FAM13C: variants seen among roughly 807,000 people sequenced by gnomAD.
The protein encoded by FAM13C is protein FAM13C.
Under a neutral mutation model 73.2 loss-of-function variants are expected in FAM13C, and 37 were observed. The ratio of observed to expected loss-of-function variants is 0.51; its 90% CI spans 0.39 to 0.67. FAM13C has a LOEUF of 0.67. Among genes scored for constraint, FAM13C ranks in the 30% least tolerant of loss-of-function variants. The probability of loss-of-function intolerance (pLI) is 0.00; values close to 1 mark genes in which losing one functional copy is unlikely to be tolerated. For synonymous variants in FAM13C, 246 were observed against 260.9 expected (o/e 0.94, Z 0.55); for missense variants, 589 against 715.6 (o/e 0.82, Z 2.02).
At chr10:59,348,962 G>T (rs1000729101) in intron 3 of FAM13C, among the ~76,000 whole-genome samples, 3 of 151,734 alleles carry the variant, frequency 2.0e-5, no homozygotes, top group Non-Finnish European at 2.9e-5. Context: ...ATATCTTGAG[G>T]TTTTTTTTCT....
At chr10:59,310,437 C>G (rs1848782027) in intron 4 of FAM13C, among the ~76,000 whole-genome samples, 1 of 152,122 alleles carries the variant, frequency 6.6e-6, no homozygotes, top group Admixed American at 6.5e-5. Flanking sequence ...AATAACAGCC[C>G]TTAATACCAG....
At chr10:59,289,118 A>G (rs1845914114) in intron 5 of FAM13C, among the ~76,000 whole-genome samples, 1 of 152,188 alleles carries the variant, frequency 6.6e-6, no homozygotes, top group Admixed American at 6.5e-5. Context: ...TCAGATCATG[A>G]GGCATTAGAT....
At chr10:59,308,575 C>A (rs1294072841) in intron 4 of FAM13C, among the ~76,000 whole-genome samples, 2 of 151,878 alleles carry the variant, frequency 1.3e-5, no homozygotes, top group African/African-American at 4.8e-5. Flanking sequence ...ACCACCATCA[C>A]CACCACCAGC....
chr10:59,298,618 GT>G (rs1564544900), intron 5 of FAM13C, among the ~76,000 whole-genome samples: 3 of 152,092 alleles, frequency 2.0e-5, no homozygotes, highest in African/African-American at 7.2e-5. Context: ...AATTCTTCAC[GT>G]ACAATAATGT....
At chr10:59,320,956 T>C (rs943649290) in intron 4 of FAM13C, among the ~76,000 whole-genome samples, 2 of 152,212 alleles carry the variant, frequency 1.3e-5, no homozygotes, top group Non-Finnish European at 2.9e-5. Flanking sequence ...AACTTGGAGG[T>C]AGAAAGACAT....
chr10:59,251,669 G>C lies in FAM13C; in HGVS notation c.1540C>G (p.Leu514Val). 6.2e-7 allele frequency: 1 copy of C among 1,609,318 alleles called. No homozygotes were observed. The highest frequency in any genetic ancestry group is 8.5e-7 in the Non-Finnish European group (1 of 1,178,258). The stretch of plus-strand genomic sequence containing the variant: ...CTAGTTTCTCGGAGATGGTCAAGAA[G>C]TACAGGCCTATATAAGGTAAAATAC... Reference protein sequence around the residue: ...SNLHEATMPVLLDHLRETRAD... With the variant: ...SNLHEATMPVVLDHLRETRAD... Residue 514 changes from leucine to valine, a missense_variant, in exon 13 of 14, where the codon CTT becomes GTT. Coordinates refer to ENST00000618804, the MANE Select transcript of FAM13C (RefSeq NM_198215.4).
chr10:59,299,049 T>C (rs972183102), intron 5 of FAM13C, among the ~76,000 whole-genome samples: 3 of 152,102 alleles, frequency 2.0e-5, no homozygotes, highest in Non-Finnish European at 4.4e-5. Flanking sequence ...TGGTGGTTTA[T>C]TGCACCACAC....
upstream of FAM13C, chr10:59,362,551 G>C (rs1415177172): frequency 6.4e-7 from 1 of 1,559,020 alleles, no homozygotes; most frequent in Non-Finnish European, 8.7e-7. Context: ...CAAGTCTCCG[G>C]GCTCGCCCGG....
chr10:59,302,164 T>C (rs935164961), intron 5 of FAM13C, among the ~76,000 whole-genome samples: 1 of 152,216 alleles, frequency 6.6e-6, no homozygotes, highest in Non-Finnish European at 1.5e-5. Context: ...CCAGAGAGAG[T>C]ATTCCAAACC....
rs527895198 is a variant in FAM13C at position 59,332,085 on chromosome 10, G to C, written c.325-7979C>G. Among the ~76,000 whole-genome samples the C allele has an allele frequency of 4.6e-5, 7 of 152,220 alleles. No individual in the cohort carries two copies. The East Asian group carries it at 1.2e-3, about 25-fold the overall frequency. The stretch of plus-strand genomic sequence containing the variant: ...TAACACAATTCAGAGTAGGCAGAGA[G>C]GGAAGAGAAAACTTGGGAGAAAACC... On this transcript the variant is annotated intron_variant, in intron 3 of 13. Coordinates refer to ENST00000618804, the MANE Select transcript of FAM13C (RefSeq NM_198215.4).
At chr10:59,335,220 C>T (rs1852561230) in intron 3 of FAM13C, among the ~76,000 whole-genome samples, 1 of 152,182 alleles carries the variant, frequency 6.6e-6, no homozygotes, top group African/African-American at 2.4e-5. Context: ...GGTGATCTCC[C>T]TTTAGAAAGC....
At chr10:59,261,060 C>A (rs1330791229) in intron 10 of FAM13C, among the ~76,000 whole-genome samples, 3 of 152,094 alleles carry the variant, frequency 2.0e-5, no homozygotes, top group Non-Finnish European at 4.4e-5. Context: ...GACCAAGATG[C>A]TTTAATAGAT....
chr10:59,255,928 A>G (rs563066626), intron 10 of FAM13C, among the ~76,000 whole-genome samples: 43 of 151,910 alleles, frequency 2.8e-4, no homozygotes, highest in Non-Finnish European at 3.2e-4. Context: ...AGTACCCAAT[A>G]CATCCCCATC....
chr10:59,341,408 C>T (rs576189488), intron 3 of FAM13C, among the ~76,000 whole-genome samples: 1 of 152,300 alleles, frequency 6.6e-6, no homozygotes, highest in East Asian at 1.9e-4. Context: ...AAATCCCTGG[C>T]CAGGCGCAGT....
At chr10:59,298,510 TGG>T (rs763009113) in intron 5 of FAM13C, among the ~76,000 whole-genome samples, 1 of 152,124 alleles carries the variant, frequency 6.6e-6, no homozygotes, top group Non-Finnish European at 1.5e-5. Flanking sequence ...ACATAAGAGT[TGG>T]GTTGGGTGAG....
At chr10:59,327,403 T>G (rs1851300591) in intron 3 of FAM13C, among the ~76,000 whole-genome samples, 1 of 152,184 alleles carries the variant, frequency 6.6e-6, no homozygotes, top group Admixed American at 6.6e-5. Flanking sequence ...TATAAGAGAT[T>G]TAGCCAGATG....
At chr10:59,285,680 G>A (rs888158905) in intron 5 of FAM13C, among the ~76,000 whole-genome samples, 1 of 152,148 alleles carries the variant, frequency 6.6e-6, no homozygotes, top group African/African-American at 2.4e-5. Context: ...ATAACCAAGA[G>A]TTATGTTTTG....
intron 5 of FAM13C, among the ~76,000 whole-genome samples, chr10:59,299,767 G>T (rs1038476742): frequency 1.3e-5 from 2 of 152,060 alleles, no homozygotes; most frequent in African/African-American, 4.8e-5. Context: ...ATATTTTCCA[G>T]TCAGGATTCA....
chr10:59,358,532 A>G (rs573895529), intron 1 of FAM13C, among the ~76,000 whole-genome samples: 1 of 152,316 alleles, frequency 6.6e-6, no homozygotes, highest in African/African-American at 2.4e-5. Flanking sequence ...TGAGCTTTGT[A>G]ATGTGGATAA....
Sources: gnomAD v4.1 joint callset for allele counts (sites outside exome capture counted in the v4.1 genomes callset) on GRCh38, gnomAD v4.1.1 for gene constraint, MANE v1.5 for transcripts, NCBI Gene and HGNC (gene_info 2026-07-23, HGNC 2026-07-21) for gene names.